IL1RAPL2: variants seen among roughly 807,000 people sequenced by gnomAD.
IL1RAPL2 encodes the protein X-linked interleukin-1 receptor accessory protein-like 2.
A neutral mutation model predicts 44.1 loss-of-function variants in IL1RAPL2; 3 were observed. The ratio of observed to expected loss-of-function variants is 0.07; its 90% CI spans 0.03 to 0.18. The LOEUF is 0.18. Ranked by LOEUF, IL1RAPL2 falls within the 10% of genes least tolerant of loss-of-function variation. IL1RAPL2 has a pLI of 1.00. For synonymous variants in IL1RAPL2, 181 were observed against 178.8 expected (o/e 1.01, Z -0.10); for missense variants, 391 against 496.4 (o/e 0.79, Z 2.02).
At chrX:105,225,039 C>T (rs1191770471) in intron 3 of IL1RAPL2, among the ~76,000 whole-genome samples, 4 of 111,619 alleles carry the variant, frequency 3.6e-5, no homozygotes, top group African/African-American at 1.3e-4. Flanking sequence ...ATTACCTTAC[C>T]TTTATCCACA....
At chrX:105,017,877 A>G (rs1569362034) in intron 2 of IL1RAPL2, among the ~76,000 whole-genome samples, 1 of 112,032 alleles carries the variant, frequency 8.9e-6, no homozygotes, top group Non-Finnish European at 1.9e-5. Context: ...GAGCAAAAAC[A>G]TTGCTGACAC....
At chrX:105,274,603 A>G (rs1003588141) in intron 5 of IL1RAPL2, among the ~76,000 whole-genome samples, 8 of 112,381 alleles carry the variant, frequency 7.1e-5, no homozygotes, top group Admixed American at 9.4e-5. Flanking sequence ...GAAAGCAGAC[A>G]GGTAGGGACA....
intron 6 of IL1RAPL2, among the ~76,000 whole-genome samples, chrX:105,627,677 T>A (rs1428078070): frequency 8.9e-6 from 1 of 112,071 alleles, no homozygotes; most frequent in Non-Finnish European, 1.9e-5. Context: ...AGAAAGTTGA[T>A]CTCTTAATGC....
At chrX:105,232,820 C>A (rs1316053351) in intron 3 of IL1RAPL2, among the ~76,000 whole-genome samples, 1 of 112,035 alleles carries the variant, frequency 8.9e-6, no homozygotes, top group Non-Finnish European at 1.9e-5. Context: ...AATGTGTTAG[C>A]CAATTAATGC....
chrX:104,836,197 G>A (rs887252675), intron 2 of IL1RAPL2, among the ~76,000 whole-genome samples: 2 of 110,858 alleles, frequency 1.8e-5, no homozygotes, highest in Admixed American at 9.7e-5. Context: ...TCATCTGTGG[G>A]AGCTAAAAAT....
intron 5 of IL1RAPL2, among the ~76,000 whole-genome samples, chrX:105,447,458 CATAAAT>C (rs1263350912): frequency 1.1e-4 from 6 of 54,539 alleles, no homozygotes; most frequent in Non-Finnish European, 1.8e-4. Context: ...TATAAATAAA[CATAAAT>C]ATAAATATAA....
chrX:105,169,282 G>T (rs920625664), intron 2 of IL1RAPL2, among the ~76,000 whole-genome samples: 23 of 109,454 alleles, frequency 2.1e-4, no homozygotes, highest in Admixed American at 2.1e-3. Context: ...GTTTGTGCTG[G>T]GTGATGATAG....
intron 2 of IL1RAPL2, among the ~76,000 whole-genome samples, chrX:105,095,343 C>A (rs936777041): frequency 1.8e-5 from 2 of 111,391 alleles, no homozygotes; most frequent in Non-Finnish European, 3.8e-5. Context: ...ATGTTTCTGT[C>A]TATTCTTAGT....
intron 2 of IL1RAPL2, among the ~76,000 whole-genome samples, chrX:104,822,894 G>A (rs1182340653): frequency 9.0e-6 from 1 of 111,427 alleles, no homozygotes; most frequent in African/African-American, 3.3e-5. Context: ...CATGAGCATG[G>A]AATGTTTTTC....
intron 1 of IL1RAPL2, among the ~76,000 whole-genome samples, chrX:104,605,142 T>C (rs190696882): frequency 2.8e-4 from 31 of 111,676 alleles, no homozygotes; most frequent in African/African-American, 9.8e-4. Flanking sequence ...TGCAATCAAA[T>C]TAGAACTCAA....
Position 105,267,494 on chromosome X carries a change from A to G in IL1RAPL2, c.650A>G (p.Lys217Arg). 8.4e-7 allele frequency: 1 copy of G among 1,196,136 alleles called. No homozygotes were observed. The highest frequency in any genetic ancestry group is 1.8e-5 in the South Asian group (1 of 54,468). The change falls in exon 5 of 11, where the codon AAA becomes AGA. Residue 217 changes from lysine (K) to arginine (R), a missense_variant. Physicochemically the swap from Lys to Arg is conservative, Grantham distance 26. Transcript: ENST00000372582. ...GGAGGAAATTACACATGTGAACTTA[A>G]ATATGAAGGAAAACTTGTAAGACGA... ...EDGGNYTCEL[K>R]YEGKLVRRTT...
At chrX:104,601,440 T>A (rs1208006568) in intron 1 of IL1RAPL2, among the ~76,000 whole-genome samples, 1 of 111,581 alleles carries the variant, frequency 9.0e-6, no homozygotes, top group Non-Finnish European at 1.9e-5. Flanking sequence ...TCAACTTTTG[T>A]TTTAGATTCA....
intron 6 of IL1RAPL2, among the ~76,000 whole-genome samples, chrX:105,557,219 C>T: frequency 9.0e-6 from 1 of 111,708 alleles, no homozygotes; most frequent in East Asian, 2.8e-4. Flanking sequence ...TCTTTCTCTG[C>T]ATTTCTATTA....
chrX:105,031,017 A>T (rs1003922285), intron 2 of IL1RAPL2, among the ~76,000 whole-genome samples: 3 of 110,083 alleles, frequency 2.7e-5, no homozygotes, highest in Admixed American at 9.8e-5. Context: ...TGTGAAAGGG[A>T]GTTCACTCAT....
chrX:105,087,613 T>C (rs1168246953), intron 2 of IL1RAPL2, among the ~76,000 whole-genome samples: 1 of 111,931 alleles, frequency 8.9e-6, no homozygotes, highest in Non-Finnish European at 1.9e-5. Flanking sequence ...GGCTAATGCC[T>C]ATGGTTTGTA....
intron 2 of IL1RAPL2, among the ~76,000 whole-genome samples, chrX:104,985,970 C>T (rs1046322704): frequency 7.2e-5 from 8 of 111,759 alleles, no homozygotes; most frequent in Non-Finnish European, 1.9e-5. Context: ...AAATTCAAGC[C>T]AATACATCAA....
intron 5 of IL1RAPL2, among the ~76,000 whole-genome samples, chrX:105,454,814 G>A (rs1357561164): frequency 9.0e-6 from 1 of 111,177 alleles, no homozygotes; most frequent in Non-Finnish European, 1.9e-5. Flanking sequence ...CACAACTGGT[G>A]CCCTACCCCC....
chrX:104,832,854 A>G (rs1363260837), intron 2 of IL1RAPL2, among the ~76,000 whole-genome samples: 1 of 111,453 alleles, frequency 9.0e-6, no homozygotes, highest in Non-Finnish European at 1.9e-5. Context: ...ATTTATATAC[A>G]TGGGCTCAAC....
chrX:105,061,891 T>C (rs1275616279), intron 2 of IL1RAPL2, among the ~76,000 whole-genome samples: 1 of 112,211 alleles, frequency 8.9e-6, no homozygotes, highest in Non-Finnish European at 1.9e-5. Flanking sequence ...ATGGAATATC[T>C]TTTTCCATCC....
Sources: gnomAD v4.1 joint callset for allele counts (sites outside exome capture counted in the v4.1 genomes callset) on GRCh38, gnomAD v4.1.1 for gene constraint, MANE v1.5 for transcripts, NCBI Gene and HGNC (gene_info 2026-07-23, HGNC 2026-07-21) for gene names.